Variants in COX7B2 observed in about 807,000 individuals in gnomAD.
The protein encoded by COX7B2 is cytochrome c oxidase subunit 7B2, mitochondrial.
For synonymous variants in COX7B2, 37 were observed against 32.1 expected, an observed-to-expected ratio of 1.15 and a Z score of -0.51; for missense variants, 109 against 95.9, an observed-to-expected ratio of 1.14 and a Z score of -0.57.
rs1431844054 is a variant in COX7B2, at chr4:46,734,957, T to C, written c.236A>G (p.Lys79Arg). Residue 79 changes from lysine to arginine, a missense_variant, in exon 3 of 3, where the codon AAA (lysine) becomes AGA (arginine). By Grantham distance (26) the Lys-to-Arg change is conservative (BLOSUM62 2). Coordinates refer to ENST00000355591, the MANE Select transcript of COX7B2 (RefSeq NM_130902.3). ...PVGRVTPKEWKHQ is the reference protein window; with the variant it reads ...PVGRVTPKEWRHQ Reference sequence around the variant, plus strand: ...CAGCAACTGTGATGGTTACTGATGTTTCCACTCTTTTGGGGTAACTCTGCC... The same window carrying C: ...CAGCAACTGTGATGGTTACTGATGTCTCCACTCTTTTGGGGTAACTCTGCC... 6.2e-7 allele frequency: 1 copy of C among 1,614,024 alleles called. No homozygotes were observed. The highest frequency in any genetic ancestry group is 1.1e-5 in the South Asian group (1 of 91,040).
At chr4:46,782,242 T>C (rs1471903947) in intron 2 of COX7B2, among the ~76,000 whole-genome samples, 1 of 152,050 alleles carries the variant, frequency 6.6e-6, no homozygotes, top group Non-Finnish European at 1.5e-5. Context: ...TGTATGTAGC[T>C]AATCTGGTGG....
At chr4:46,768,341 A>T (rs1162070369) in intron 2 of COX7B2, among the ~76,000 whole-genome samples, 1 of 141,914 alleles carries the variant, frequency 7.0e-6, no homozygotes, top group Non-Finnish European at 1.5e-5. Context: ...CACTCCAACC[A>T]TAGTCTCCAA....
intron 1 of COX7B2, among the ~76,000 whole-genome samples, chr4:46,862,493 C>T (rs572280888): frequency 4.5e-4 from 68 of 152,202 alleles, no homozygotes; most frequent in Non-Finnish European, 8.4e-4. Flanking sequence ...ATCAAATTAG[C>T]GCAAATGAAT....
chr4:46,753,369 C>A (rs967419164), intron 2 of COX7B2, among the ~76,000 whole-genome samples: 2 of 151,884 alleles, frequency 1.3e-5, no homozygotes, highest in African/African-American at 4.8e-5. Flanking sequence ...AAAAAACCAG[C>A]ACCCAATGGA....
intron 2 of COX7B2, among the ~76,000 whole-genome samples, chr4:46,833,743 G>A (rs1715323124): frequency 6.6e-6 from 1 of 152,048 alleles, no homozygotes; most frequent in African/African-American, 2.4e-5. Flanking sequence ...AAGGATGACA[G>A]AATAAGTGAA....
intron 2 of COX7B2, among the ~76,000 whole-genome samples, chr4:46,820,747 G>T (rs1714215991): frequency 6.6e-6 from 1 of 151,078 alleles, no homozygotes; most frequent in Non-Finnish European, 1.5e-5. Flanking sequence ...CTGGAACCTG[G>T]GAGGCAGAGG....
intron 1 of COX7B2, among the ~76,000 whole-genome samples, chr4:46,897,581 A>T (rs527775129): frequency 6.6e-6 from 1 of 152,300 alleles, no homozygotes; most frequent in African/African-American, 2.4e-5. Flanking sequence ...TTCTCTCTCA[A>T]GTATTCTGTC....
chr4:46,874,055 T>A (rs1033273426), intron 1 of COX7B2, among the ~76,000 whole-genome samples: 2 of 152,092 alleles, frequency 1.3e-5, no homozygotes, highest in East Asian at 3.9e-4. Flanking sequence ...TGCAGAAAAA[T>A]CTATTGGCTT....
At chr4:46,784,882 T>G (rs1717667429) in intron 2 of COX7B2, among the ~76,000 whole-genome samples, 1 of 152,248 alleles carries the variant, frequency 6.6e-6, no homozygotes, top group Non-Finnish European at 1.5e-5. Context: ...TATTAGCTCC[T>G]TGATCCTGAT....
chr4:46,810,109 T>G (rs1719209679), intron 2 of COX7B2, among the ~76,000 whole-genome samples: 1 of 152,042 alleles, frequency 6.6e-6, no homozygotes, highest in South Asian at 2.1e-4. Context: ...TCCCTTCACT[T>G]TCAGCCTCTG....
chr4:46,740,449 T>C (rs1714637315), intron 2 of COX7B2, among the ~76,000 whole-genome samples: 1 of 152,056 alleles, frequency 6.6e-6, no homozygotes, highest in African/African-American at 2.4e-5. Flanking sequence ...CAGTTTCAAG[T>C]TTACCCATAT....
At chr4:46,811,996 T>C (rs1252513546) in intron 2 of COX7B2, among the ~76,000 whole-genome samples, 1 of 152,188 alleles carries the variant, frequency 6.6e-6, no homozygotes, top group Non-Finnish European at 1.5e-5. Context: ...CTCTTATTCT[T>C]GTTTTTCTCA....
At chr4:46,826,615 GC>G (rs1714710948) in intron 2 of COX7B2, among the ~76,000 whole-genome samples, 1 of 152,086 alleles carries the variant, frequency 6.6e-6, no homozygotes, top group African/African-American at 2.4e-5. Flanking sequence ...CAATCTATAT[GC>G]CCATCAATGA....
At chr4:46,879,772 G>A (rs556102565) in intron 1 of COX7B2, among the ~76,000 whole-genome samples, 1 of 149,846 alleles carries the variant, frequency 6.7e-6, no homozygotes, top group African/African-American at 2.4e-5. Context: ...TAGTTCATTT[G>A]AAGGAGTGCC....
chr4:46,832,328 A>T (rs111316199), intron 2 of COX7B2, among the ~76,000 whole-genome samples: 1 of 152,074 alleles, frequency 6.6e-6, no homozygotes, highest in Non-Finnish European at 1.5e-5. Flanking sequence ...AACTCCAGAC[A>T]CGCCGCCTTT....
At chr4:46,767,959 G>C (rs1716643206) in intron 2 of COX7B2, among the ~76,000 whole-genome samples, 1 of 152,252 alleles carries the variant, frequency 6.6e-6, no homozygotes, top group South Asian at 2.1e-4. Context: ...GTGAGCATGT[G>C]CAAGGGCTGG....
At chr4:46,801,320 C>T (rs75224642) in intron 2 of COX7B2, among the ~76,000 whole-genome samples, 3 of 152,074 alleles carry the variant, frequency 2.0e-5, no homozygotes, top group African/African-American at 4.8e-5. Context: ...ATAGCAAAGA[C>T]AGGGAATCGA....
intron 1 of COX7B2, among the ~76,000 whole-genome samples, chr4:46,861,540 C>T (rs1158058590): frequency 6.6e-6 from 1 of 152,126 alleles, no homozygotes; most frequent in African/African-American, 2.4e-5. Context: ...AAAAAAGAAA[C>T]TCATTTCTAC....
intron 1 of COX7B2, among the ~76,000 whole-genome samples, chr4:46,902,839 T>C (rs908233269): frequency 6.6e-6 from 1 of 152,108 alleles, no homozygotes; most frequent in Non-Finnish European, 1.5e-5. Flanking sequence ...ATCAAACCAC[T>C]GTACTCCAGT....
Sources: gnomAD v4.1 joint callset for allele counts (sites outside exome capture counted in the v4.1 genomes callset) on GRCh38, gnomAD v4.1.1 for gene constraint, MANE v1.5 for transcripts, NCBI Gene and HGNC (gene_info 2026-07-23, HGNC 2026-07-21) for gene names.